The following RPA2 variants were observed in gnomAD, a reference collection of about 807,000 sequenced individuals.
RPA2 encodes replication protein A2.
In RPA2, 22 loss-of-function variants were observed where a neutral mutation model predicts 33.4. The observed-to-expected ratio is 0.66, with a 90% CI of 0.47 to 0.94. RPA2 has a LOEUF of 0.94. Among genes scored for constraint, RPA2 ranks in the 40% least tolerant of loss-of-function variants. The pLI, the probability that RPA2 is intolerant of heterozygous loss-of-function variation, is 0.00. For missense variants in RPA2, 279 were observed against 329.9 expected (o/e 0.85, Z 1.19); for synonymous variants, 109 against 114.9 (o/e 0.95, Z 0.33).
intron 4 of RPA2, 65 bp from the exon 5 acceptor site, chr1:27,897,772 T>C: frequency 1.7e-6 from 2 of 1,177,674 alleles, no homozygotes; most frequent in Non-Finnish European, 2.4e-6. Context: ...CTTTAACGTT[T>C]CTATATTATG....
chr1:27,894,876 C>T (rs1307062167), intron 6 of RPA2, among the ~76,000 whole-genome samples: 1 of 152,162 alleles, frequency 6.6e-6, no homozygotes, highest in Non-Finnish European at 1.5e-5. Flanking sequence ...TCTCCCCAGT[C>T]ACTCCTCAGC....
chr1:27,905,863 G>A (rs1222697462), intron 4 of RPA2, among the ~76,000 whole-genome samples: 5 of 152,004 alleles, frequency 3.3e-5, no homozygotes, highest in African/African-American at 4.8e-5. Flanking sequence ...TCCTGACCTC[G>A]TGATCCGCCC....
At chr1:27,896,276 T>A (rs777553259) in intron 6 of RPA2, among the ~76,000 whole-genome samples, 11 of 152,132 alleles carry the variant, frequency 7.2e-5, no homozygotes, top group Non-Finnish European at 1.2e-4. Context: ...CAATGCAGCC[T>A]TGACCTCCTG....
intron 5 of RPA2, among the ~76,000 whole-genome samples, chr1:27,897,418 TAGA>T (rs2089906740): frequency 6.6e-6 from 1 of 151,924 alleles, no homozygotes; most frequent in Non-Finnish European, 1.5e-5. Flanking sequence ...ATAGCAATTG[TAGA>T]AGGAGATTCT....
intron 4 of RPA2, among the ~76,000 whole-genome samples, chr1:27,902,284 T>TA (rs1430280044): frequency 1.5e-5 from 2 of 131,914 alleles, no homozygotes; most frequent in Non-Finnish European, 3.2e-5. Context: ...TTTTTACGTA[T>TA]ACTTTTTTTT....
chr1:27,893,674 G>C (rs1335032553), intron 8 of RPA2, among the ~76,000 whole-genome samples: 2 of 151,914 alleles, frequency 1.3e-5, no homozygotes, highest in Non-Finnish European at 2.9e-5. Context: ...GTGGTGTGAT[G>C]GTGGCTCACT....
intron 2 of RPA2, among the ~76,000 whole-genome samples, chr1:27,912,519 T>C (rs2090112119): frequency 6.6e-6 from 1 of 151,882 alleles, no homozygotes; most frequent in African/African-American, 2.4e-5. Flanking sequence ...ACACCACTGC[T>C]CTCCAGCCTG....
intron 5 of RPA2, 41 bp from the exon 6 acceptor site, chr1:27,897,162 A>G (rs1233409381): frequency 1.4e-6 from 2 of 1,382,286 alleles, no homozygotes; most frequent in Non-Finnish European, 2.0e-6. Context: ...AAATATGAAC[A>G]TACATTAATT....
chr1:27,912,378 TAA>T (rs77929837), intron 2 of RPA2, among the ~76,000 whole-genome samples: 7 of 126,780 alleles, frequency 5.5e-5, no homozygotes, highest in Admixed American at 7.9e-5. Context: ...ATGCCACCTC[TAA>T]AAAAAAAAAA....
chr1:27,901,271 C>T (rs2089963639), intron 4 of RPA2, among the ~76,000 whole-genome samples: 1 of 152,168 alleles, frequency 6.6e-6, no homozygotes, highest in Non-Finnish European at 1.5e-5. Context: ...CAGCCATCAA[C>T]AGTGAGGCAA....
intron 4 of RPA2, among the ~76,000 whole-genome samples, chr1:27,902,070 T>A (rs754776610): frequency 2.6e-5 from 4 of 151,068 alleles, no homozygotes; most frequent in Non-Finnish European, 5.9e-5. Flanking sequence ...CATAAAAAAA[T>A]GACAAAATTT....
Position 27,892,082 on chromosome 1 carries a change from C to T in RPA2, c.*81G>A, listed in dbSNP as rs1341829511. On this transcript the variant is annotated 3_prime_UTR_variant, in exon 9 of 9. Transcript: ENST00000373912. Reference sequence around the variant, plus strand: ...ACCTACTTCCTAGAAGCCCCCTGGCCAGACATATGCAGAGCTGGAGACAAC... The same window carrying T: ...ACCTACTTCCTAGAAGCCCCCTGGCTAGACATATGCAGAGCTGGAGACAAC... The T allele has an allele frequency of 6.0e-6, 7 of 1,169,052 alleles. No homozygotes were observed. In the East Asian group the frequency reaches 1.4e-4, roughly 24 times the overall value. 72.4% of individuals were successfully genotyped at this position (1,169,052 alleles called of 1,614,324 possible). A position where few individuals can be genotyped will look rare whatever the true frequency, so the allele number is the denominator to read the frequency against.
At chr1:27,897,801 C>T (rs2295367) in intron 4 of RPA2, 94 bp from the exon 5 acceptor site, 335,815 of 841,540 alleles carry the variant, frequency 0.4, 69,477 homozygotes, top group African/African-American at 0.63. Flanking sequence ...GAGAAAGTTA[C>T]GAAGTAGAAG....
chr1:27,911,197 C>G (rs994862780), intron 2 of RPA2, among the ~76,000 whole-genome samples: 20 of 151,734 alleles, frequency 1.3e-4, no homozygotes, highest in Admixed American at 1.2e-3. Context: ...GCCTGGGCAA[C>G]AGAGAGACTG....
At chr1:27,907,312 TAAGA>T in intron 2 of RPA2, 30 bp from the exon 3 acceptor site, 1 of 1,552,856 alleles carries the variant, frequency 6.4e-7, no homozygotes, top group African/African-American at 1.4e-5. Flanking sequence ...AAAATTCAAT[TAAGA>T]AAGTAATAAC....
intron 2 of RPA2, among the ~76,000 whole-genome samples, chr1:27,908,619 C>A (rs12040493): frequency 0.2 from 30,719 of 151,758 alleles, 3,726 homozygotes; most frequent in East Asian, 0.36. Flanking sequence ...TCTCAGCCCC[C>A]CCGAGTAGCT....
chr1:27,902,027 A>T (rs1220835780), intron 4 of RPA2, among the ~76,000 whole-genome samples: 2 of 150,214 alleles, frequency 1.3e-5, no homozygotes, highest in Admixed American at 6.6e-5. Flanking sequence ...AAAAAAAAAA[A>T]TACATATATA....
At chr1:27,894,807 TC>T (rs1184031040) in intron 6 of RPA2, among the ~76,000 whole-genome samples, 3 of 152,150 alleles carry the variant, frequency 2.0e-5, no homozygotes, top group Non-Finnish European at 2.9e-5. Context: ...TCTCTTTCTT[TC>T]TTTTTTTTTA....
chr1:27,893,570 C>T (rs2089851344), intron 8 of RPA2, among the ~76,000 whole-genome samples: 1 of 152,058 alleles, frequency 6.6e-6, no homozygotes, highest in Non-Finnish European at 1.5e-5. Flanking sequence ...CTCAGCCTCC[C>T]AAAGTGCTAG....
Sources: gnomAD v4.1 joint callset for allele counts (sites outside exome capture counted in the v4.1 genomes callset) on GRCh38, gnomAD v4.1.1 for gene constraint, MANE v1.5 for transcripts, NCBI Gene and HGNC (gene_info 2026-07-23, HGNC 2026-07-21) for gene names.